RIPOR2: variants seen among roughly 807,000 people sequenced by gnomAD.
RIPOR2 encodes rho family-interacting cell polarization regulator 2.
Under a neutral mutation model 114.5 loss-of-function variants are expected in RIPOR2, and 39 were observed. The observed-to-expected ratio is 0.34, with a 90% CI of 0.26 to 0.44. RIPOR2 has a LOEUF of 0.44. Among genes scored for constraint, RIPOR2 ranks in the 20% least tolerant of loss-of-function variants. The probability of loss-of-function intolerance (pLI) is 1.00; values close to 1 mark genes in which losing one functional copy is unlikely to be tolerated. For synonymous variants in RIPOR2, 445 were observed against 484.4 expected (o/e 0.92, Z 1.07); for missense variants, 1,007 against 1,255.1 (o/e 0.80, Z 2.99).
chr6:25,016,581 C>T (rs1776013902), intron 1 of RIPOR2, among the ~76,000 whole-genome samples: 1 of 152,152 alleles, frequency 6.6e-6, no homozygotes, highest in African/African-American at 2.4e-5. Flanking sequence ...CTTTGAATGA[C>T]AAAATAGTCA....
At chr6:24,952,417 G>T (rs1406790004) in intron 1 of RIPOR2, among the ~76,000 whole-genome samples, 1 of 152,126 alleles carries the variant, frequency 6.6e-6, no homozygotes, top group Non-Finnish European at 1.5e-5. Context: ...TAGCTCTGAG[G>T]TAAGGGAGCT....
intron 1 of RIPOR2, among the ~76,000 whole-genome samples, chr6:24,941,458 C>G (rs1260573215): frequency 6.6e-6 from 1 of 151,958 alleles, no homozygotes; most frequent in Non-Finnish European, 1.5e-5. Flanking sequence ...CTATCTAGCT[C>G]TTTGACTAGA....
At chr6:24,910,858 G>A in intron 1 of RIPOR2, 2 of 985,396 alleles carry the variant, frequency 2.0e-6, no homozygotes, top group Non-Finnish European at 2.4e-6. Context: ...GGCACACTCA[G>A]GGTTCTCTGG....
At position 24,839,909 on chromosome 6, in the gene RIPOR2, T is replaced by C. The variant is rs1028681939; in HGVS notation, c.1858-637A>G. 4.8e-5 allele frequency: 30 copies of C among 629,726 alleles called. No individual in the cohort carries two copies. The African/African-American group carries it at 5.5e-4, about 11-fold the overall frequency. The allele number at this position is 629,726 out of a possible 1,614,324, so 39.0% of individuals were successfully genotyped here. Reference sequence around the variant, plus strand: ...AAGTGGTTCAAATTCACCTAGCCCATGTTCCCTAGGTAAGAAGCCCTGCAT... The same window carrying C: ...AAGTGGTTCAAATTCACCTAGCCCACGTTCCCTAGGTAAGAAGCCCTGCAT... On this transcript the variant is annotated intron_variant, in intron 13 of 21. Transcript: ENST00000643898.
chr6:24,992,583 G>GA (rs1402240295), intron 1 of RIPOR2, among the ~76,000 whole-genome samples: 5 of 152,008 alleles, frequency 3.3e-5, no homozygotes, highest in African/African-American at 2.4e-5. Flanking sequence ...GACACAAATA[G>GA]AAAAAATCTC....
intron 1 of RIPOR2, among the ~76,000 whole-genome samples, chr6:24,945,044 G>C (rs1192442477): frequency 6.6e-6 from 1 of 151,984 alleles, no homozygotes; most frequent in East Asian, 1.9e-4. Context: ...AAAGATATAT[G>C]TTTGAAGTGA....
chr6:24,990,890 A>T (rs12194111), intron 1 of RIPOR2, among the ~76,000 whole-genome samples: 1 of 152,074 alleles, frequency 6.6e-6, no homozygotes, highest in Non-Finnish European at 1.5e-5. Flanking sequence ...AGACATATGA[A>T]GCTCTAAATA....
chr6:24,885,111 T>G (rs1009832565), intron 1 of RIPOR2, among the ~76,000 whole-genome samples: 5 of 152,276 alleles, frequency 3.3e-5, no homozygotes, highest in African/African-American at 9.6e-5. Context: ...TTTTAAAAAT[T>G]TTAACAATTT....
chr6:24,984,593 G>A (rs72839995), intron 1 of RIPOR2, among the ~76,000 whole-genome samples: 7,109 of 151,312 alleles, frequency 0.047, 229 homozygotes, highest in Non-Finnish European at 0.07. Context: ...AGCTACTTGG[G>A]AGGTTTGAGC....
chr6:24,925,158 G>A (rs2747673), intron 1 of RIPOR2, among the ~76,000 whole-genome samples: 3,645 of 152,262 alleles, frequency 0.024, 133 homozygotes, highest in African/African-American at 0.082. Context: ...TGACTTATCC[G>A]TTTCTGCCTA....
chr6:24,991,235 G>A (rs989856596), intron 1 of RIPOR2, among the ~76,000 whole-genome samples: 3 of 152,186 alleles, frequency 2.0e-5, no homozygotes, highest in Non-Finnish European at 2.9e-5. Flanking sequence ...GAGAGAGGAC[G>A]TAAAAACTTT....
intron 6 of RIPOR2, 149 bp from the exon 7 acceptor site, chr6:24,865,599 G>A (rs980044416): frequency 4.0e-5 from 25 of 631,986 alleles, no homozygotes; most frequent in Non-Finnish European, 5.7e-5. Flanking sequence ...GGGACCAATC[G>A]TTTTTATTGT....
At chr6:24,918,185 C>T (rs1489444727) in intron 1 of RIPOR2, among the ~76,000 whole-genome samples, 4 of 152,190 alleles carry the variant, frequency 2.6e-5, no homozygotes, top group African/African-American at 9.6e-5. Flanking sequence ...ACCTTGGGCC[C>T]CAGTATCCCC....
chr6:24,948,995 T>C (rs1382773521), intron 1 of RIPOR2, among the ~76,000 whole-genome samples: 1 of 152,124 alleles, frequency 6.6e-6, no homozygotes, highest in Non-Finnish European at 1.5e-5. Flanking sequence ...TGACTTCTCT[T>C]AGGTGTCAAA....
At chr6:24,878,774 G>T (rs1766062623) in intron 1 of RIPOR2, among the ~76,000 whole-genome samples, 1 of 151,828 alleles carries the variant, frequency 6.6e-6, no homozygotes, top group African/African-American at 2.4e-5. Flanking sequence ...TTGCACTAGT[G>T]ATAGGCAGAA....
chr6:25,021,699 C>T (rs951256180), intron 1 of RIPOR2, among the ~76,000 whole-genome samples: 8 of 152,224 alleles, frequency 5.3e-5, no homozygotes, highest in South Asian at 2.1e-4. Context: ...GTATACTCCT[C>T]GATTGATGGG....
chr6:24,876,540 C>T (rs1054967056), intron 1 of RIPOR2, among the ~76,000 whole-genome samples: 2 of 152,128 alleles, frequency 1.3e-5, no homozygotes, highest in African/African-American at 4.8e-5. Context: ...GAATTCTACA[C>T]CTAGGGGTCA....
chr6:24,948,094 T>A (rs1397520747), intron 1 of RIPOR2: 1 of 152,246 alleles, frequency 6.6e-6, no homozygotes, highest in East Asian at 1.9e-4. Flanking sequence ...ATTGCCCTCC[T>A]ATCCTTACGT....
intron 1 of RIPOR2, among the ~76,000 whole-genome samples, chr6:24,941,006 C>G (rs543470889): frequency 1.1e-4 from 16 of 152,128 alleles, no homozygotes; most frequent in Non-Finnish European, 7.4e-5. Flanking sequence ...GAGGAGGTAC[C>G]AATCTCATGG....
Sources: allele counts gnomAD v4.1 joint callset (sites outside exome capture counted in the v4.1 genomes callset), GRCh38; gene constraint gnomAD v4.1.1; transcripts MANE v1.5; gene names NCBI Gene and HGNC (gene_info 2026-07-23, HGNC 2026-07-21).